CD86: variants seen among roughly 807,000 people sequenced by gnomAD.
The protein encoded by CD86 is T-lymphocyte activation antigen CD86.
Under a neutral mutation model 32.1 loss-of-function variants are expected in CD86, and 11 were observed. The observed-to-expected ratio is 0.34, with a 90% CI of 0.22 to 0.57. The LOEUF (loss-of-function observed/expected upper bound fraction) is 0.57. Ranked by LOEUF, CD86 falls within the 20% of genes least tolerant of loss-of-function variation. CD86 has a pLI of 0.86. For missense variants in CD86, 359 were observed against 398.4 expected, an observed-to-expected ratio of 0.90 and a Z score of 0.84; for synonymous variants, 137 against 135.3, an observed-to-expected ratio of 1.01 and a Z score of -0.09.
At chr3:122,099,246 G>A (rs1053242567) in intron 2 of CD86, among the ~76,000 whole-genome samples, 5 of 151,488 alleles carry the variant, frequency 3.3e-5, no homozygotes, top group Admixed American at 6.6e-5. Flanking sequence ...TTGACACAGC[G>A]GTCAAATGAG....
chr3:122,087,983 C>A (rs1237287698), intron 1 of CD86, among the ~76,000 whole-genome samples: 1 of 152,066 alleles, frequency 6.6e-6, no homozygotes, highest in African/African-American at 2.4e-5. Flanking sequence ...TTCCTTAGAG[C>A]AATACTGATT....
chr3:122,101,514 ATATATAT>A lies in CD86; in HGVS notation c.65-1997_65-1991del, dbSNP rs377333190. ...TCTACAGAAAAAAAAAAAAAAAAAAATATATATATATATATATATATATATATGTAAA... is the reference window on the plus strand; with the variant it reads ...TCTACAGAAAAAAAAAAAAAAAAAAAATATATATATATATATATATGTAAA... On this transcript the variant is annotated intron_variant, in intron 2 of 6. Coordinates refer to ENST00000330540, the MANE Select transcript of CD86 (RefSeq NM_175862.5). Among the ~76,000 whole-genome samples the A allele has an allele frequency of 2.3e-3, 39 of 16,938 alleles. No individual in the cohort carries two copies. The South Asian group carries it at 0.12, about 51-fold the overall frequency. 11.1% of individuals were successfully genotyped at this position (16,938 alleles called of 152,430 possible).
intron 1 of CD86, among the ~76,000 whole-genome samples, chr3:122,071,565 A>C (rs1482282038): frequency 6.6e-6 from 1 of 152,150 alleles, no homozygotes; most frequent in Non-Finnish European, 1.5e-5. Flanking sequence ...GTGGCTATAC[A>C]TATTCACGTG....
intron 6 of CD86, among the ~76,000 whole-genome samples, 162 bp from the exon 7 acceptor site, chr3:122,119,276 C>T (rs368789773): frequency 9.2e-5 from 14 of 152,300 alleles, no homozygotes; most frequent in Admixed American, 5.2e-4. Context: ...CAGTGTAGAC[C>T]GTGGTTCTTT....
chr3:122,064,629 G>T (rs1384498953), intron 1 of CD86, among the ~76,000 whole-genome samples: 1 of 152,150 alleles, frequency 6.6e-6, no homozygotes, highest in African/African-American at 2.4e-5. Flanking sequence ...GAACAGCCAA[G>T]TCTTATATTT....
intron 2 of CD86, among the ~76,000 whole-genome samples, chr3:122,095,486 A>G (rs1223709347): frequency 2.0e-5 from 3 of 152,056 alleles, no homozygotes; most frequent in Admixed American, 6.6e-5. Context: ...CGCCCGGCCC[A>G]CCTTAAGATT....
chr3:122,060,616 C>T (rs1462014486), intron 1 of CD86, among the ~76,000 whole-genome samples: 1 of 151,546 alleles, frequency 6.6e-6, no homozygotes, highest in African/African-American at 2.4e-5. Context: ...AGCGAGACTC[C>T]CATTCCTAAA....
chr3:122,104,942 G>C (rs987820107), intron 3 of CD86, among the ~76,000 whole-genome samples: 2 of 152,210 alleles, frequency 1.3e-5, no homozygotes, highest in African/African-American at 4.8e-5. Flanking sequence ...AAATACCCAG[G>C]TGTGGTATTA....
intron 2 of CD86, among the ~76,000 whole-genome samples, chr3:122,101,462 T>C (rs1265414854): frequency 7.6e-6 from 1 of 131,926 alleles, no homozygotes; most frequent in Non-Finnish European, 1.5e-5. Flanking sequence ...ACAGAATGGA[T>C]GGGAAGGAAA....
chr3:122,066,683 A>G (rs2107503401), intron 1 of CD86, among the ~76,000 whole-genome samples: 1 of 152,312 alleles, frequency 6.6e-6, no homozygotes, highest in South Asian at 2.1e-4. Context: ...CATAGTAATC[A>G]GTTAATAGAT....
chr3:122,079,600 G>A (rs1298810893), intron 1 of CD86, among the ~76,000 whole-genome samples: 1 of 152,168 alleles, frequency 6.6e-6, no homozygotes. Flanking sequence ...TGTGGGGTGG[G>A]AGAAAGGACA....
At chr3:122,057,220 T>A (rs1315993472) in intron 1 of CD86, among the ~76,000 whole-genome samples, 1 of 152,236 alleles carries the variant, frequency 6.6e-6, no homozygotes, top group Non-Finnish European at 1.5e-5. Flanking sequence ...AAAATGTATA[T>A]GCCCTTTAAC....
At chr3:122,084,434 A>C (rs1256121790) in intron 1 of CD86, among the ~76,000 whole-genome samples, 1 of 152,270 alleles carries the variant, frequency 6.6e-6, no homozygotes, top group Admixed American at 6.5e-5. Context: ...CTGCAAAAGC[A>C]GCCATAGATA....
intron 2 of CD86, among the ~76,000 whole-genome samples, chr3:122,093,241 C>T (rs879479744): frequency 3.3e-5 from 5 of 152,124 alleles, no homozygotes; most frequent in Non-Finnish European, 5.9e-5. Context: ...ACTGTGGCCT[C>T]GATTACCTGG....
chr3:122,091,791 T>G, intron 2 of CD86, 141 bp downstream of exon 2: 1 of 688,466 alleles, frequency 1.5e-6, no homozygotes. Context: ...CAAAAAAGAC[T>G]TTCCTGGAGA....
intron 1 of CD86, among the ~76,000 whole-genome samples, chr3:122,076,687 A>G (rs776419116): frequency 1.3e-5 from 2 of 152,236 alleles, no homozygotes; most frequent in Non-Finnish European, 2.9e-5. Context: ...ATCTTTGTGC[A>G]AAGGTCAAAG....
At chr3:122,109,625 C>T (rs951008608) in intron 5 of CD86, among the ~76,000 whole-genome samples, 11 of 152,238 alleles carry the variant, frequency 7.2e-5, no homozygotes, top group Admixed American at 7.2e-4. Flanking sequence ...TTTCTAACCT[C>T]TGGTTTACAA....
At chr3:122,067,716 A>C (rs982958509) in intron 1 of CD86, among the ~76,000 whole-genome samples, 7 of 152,206 alleles carry the variant, frequency 4.6e-5, no homozygotes, top group Non-Finnish European at 1.0e-4. Context: ...GATTGTTTGC[A>C]ATCTTAAATA....
At chr3:122,066,009 G>A (rs1403601609) in intron 1 of CD86, among the ~76,000 whole-genome samples, 1 of 152,130 alleles carries the variant, frequency 6.6e-6, no homozygotes, top group Admixed American at 6.5e-5. Context: ...CTTGTTAAGT[G>A]TTCATGGTTG....
Sources: allele counts gnomAD v4.1 joint callset (sites outside exome capture counted in the v4.1 genomes callset), GRCh38; gene constraint gnomAD v4.1.1; transcripts MANE v1.5; gene names NCBI Gene and HGNC (gene_info 2026-07-23, HGNC 2026-07-21).